The following GALNT13 variants were observed in gnomAD, a reference collection of about 807,000 sequenced individuals.
GALNT13 encodes polypeptide N-acetylgalactosaminyltransferase 13.
In GALNT13, 28 loss-of-function variants were observed where a neutral mutation model predicts 64.2. That is an observed-to-expected ratio of 0.44 (90% CI 0.32 to 0.60). The LOEUF (loss-of-function observed/expected upper bound fraction) is 0.60, where lower values mean the gene tolerates loss of function less well. Ranked by LOEUF, GALNT13 falls within the 20% of genes least tolerant of loss-of-function variation. GALNT13 has a pLI of 0.05. For missense variants in GALNT13, 577 were observed against 669.8 expected (o/e 0.86, Z 1.53); for synonymous variants, 214 against 224.6 (o/e 0.95, Z 0.42).
intron 4 of GALNT13, among the ~76,000 whole-genome samples, chr2:154,191,415 A>G (rs565296371): frequency 3.2e-4 from 49 of 152,330 alleles, no homozygotes; most frequent in African/African-American, 1.1e-3. Context: ...TGCACTTGGA[A>G]GCAAGAAAAT....
At chr2:154,107,970 T>C (rs1702712715) in intron 3 of GALNT13, among the ~76,000 whole-genome samples, 1 of 152,158 alleles carries the variant, frequency 6.6e-6, no homozygotes, top group Admixed American at 6.6e-5. Flanking sequence ...TGTCATTGGG[T>C]ATATATACCA....
the GALNT13 span, among the ~76,000 whole-genome samples, chr2:153,499,914 C>A: frequency 4.6e-5 from 7 of 152,168 alleles, no homozygotes; most frequent in South Asian, 6.2e-4. Flanking sequence ...GCAGCTGAAC[C>A]CAGGAGTGCA....
At chr2:153,536,919 A>C in the GALNT13 span, among the ~76,000 whole-genome samples, 1 of 152,400 alleles carries the variant, frequency 6.6e-6, no homozygotes, top group East Asian at 1.9e-4. Context: ...TTTATAAAAT[A>C]GTATGATAAA....
At chr2:153,670,256 C>T in the GALNT13 span, among the ~76,000 whole-genome samples, 1 of 152,142 alleles carries the variant, frequency 6.6e-6, no homozygotes, top group Non-Finnish European at 1.5e-5. Context: ...GGTCCCTGAC[C>T]CCTGTGTAGC....
At chr2:153,413,801 G>C in the GALNT13 span, among the ~76,000 whole-genome samples, 1 of 152,150 alleles carries the variant, frequency 6.6e-6, no homozygotes, top group Non-Finnish European at 1.5e-5. Context: ...TAACTTATAT[G>C]TAAGTGCTTA....
chr2:153,383,482 T>C, the GALNT13 span, among the ~76,000 whole-genome samples: 1 of 152,054 alleles, frequency 6.6e-6, no homozygotes, highest in Non-Finnish European at 1.5e-5. Context: ...AGACTGAAAG[T>C]TGTTTTATGC....
chr2:153,147,615 A>T, the GALNT13 span, among the ~76,000 whole-genome samples: 1 of 150,524 alleles, frequency 6.6e-6, no homozygotes, highest in Admixed American at 6.7e-5. Context: ...ACTCCTAGAG[A>T]TGGTTACAGT....
intron 4 of GALNT13, among the ~76,000 whole-genome samples, chr2:154,158,719 T>A (rs542788463): frequency 1.3e-5 from 2 of 152,226 alleles, no homozygotes; most frequent in South Asian, 2.1e-4. Flanking sequence ...AATATCCACA[T>A]GGTTTTGCTC....
chr2:153,300,176 A>G, the GALNT13 span, among the ~76,000 whole-genome samples: 198 of 152,290 alleles, frequency 1.3e-3, 5 homozygotes, highest in East Asian at 0.036. Context: ...ACAATACTTC[A>G]AATTGTGCTT....
chr2:153,411,268 T>C, the GALNT13 span, among the ~76,000 whole-genome samples: 1 of 151,932 alleles, frequency 6.6e-6, no homozygotes, highest in African/African-American at 2.4e-5. Flanking sequence ...TGAATACCTG[T>C]TCCATGCCCA....
chr2:154,114,337 T>C (rs68031697), intron 3 of GALNT13, among the ~76,000 whole-genome samples: 7,093 of 152,156 alleles, frequency 0.047, 217 homozygotes, highest in South Asian at 0.11. Context: ...ACAGGATGAA[T>C]TCAGGGACCC....
the GALNT13 span, among the ~76,000 whole-genome samples, chr2:153,666,212 C>A: frequency 6.6e-6 from 1 of 152,046 alleles, no homozygotes; most frequent in Non-Finnish European, 1.5e-5. Context: ...GGGCCCTCAC[C>A]AGCACTCACC....
At chr2:153,087,192 C>T in the GALNT13 span, among the ~76,000 whole-genome samples, 138 of 152,080 alleles carry the variant, frequency 9.1e-4, 3 homozygotes, top group East Asian at 0.023. Flanking sequence ...ATCATAAAGT[C>T]GTGCTGGATT....
At chr2:153,553,771 T>G in the GALNT13 span, among the ~76,000 whole-genome samples, 2 of 152,114 alleles carry the variant, frequency 1.3e-5, no homozygotes. Context: ...GAAGCAACAC[T>G]TGAGGGGGCT....
the GALNT13 span, among the ~76,000 whole-genome samples, chr2:153,079,669 TC>T: frequency 9.9e-5 from 15 of 152,200 alleles, no homozygotes; most frequent in African/African-American, 3.6e-4. Context: ...TTTTAATTTT[TC>T]TTTAATACTA....
At chr2:153,515,010 T>C in the GALNT13 span, among the ~76,000 whole-genome samples, 1 of 151,962 alleles carries the variant, frequency 6.6e-6, no homozygotes, top group Admixed American at 6.6e-5. Flanking sequence ...CCCCTAAGGG[T>C]TTTTAAGTGT....
chr2:153,271,166 C>A, the GALNT13 span, among the ~76,000 whole-genome samples: 1 of 152,134 alleles, frequency 6.6e-6, no homozygotes, highest in African/African-American at 2.4e-5. Context: ...AAATATCATA[C>A]TGAATGGGCA....
At chr2:153,438,823 C>G in the GALNT13 span, among the ~76,000 whole-genome samples, 1 of 152,110 alleles carries the variant, frequency 6.6e-6, no homozygotes, top group Non-Finnish European at 1.5e-5. Flanking sequence ...CTTCTCTCAT[C>G]AAAGTCTTTC....
the GALNT13 span, among the ~76,000 whole-genome samples, chr2:153,237,195 C>A: frequency 6.6e-6 from 1 of 151,828 alleles, no homozygotes; most frequent in Non-Finnish European, 1.5e-5. Context: ...ATACGTTTTT[C>A]CTCTTAAAAA....
Sources: allele counts gnomAD v4.1 joint callset (sites outside exome capture counted in the v4.1 genomes callset), GRCh38; gene constraint gnomAD v4.1.1; transcripts MANE v1.5; gene names NCBI Gene and HGNC (gene_info 2026-07-23, HGNC 2026-07-21).